SLC7A1: variants seen among roughly 807,000 people sequenced by gnomAD.
SLC7A1 encodes the protein high affinity cationic amino acid transporter 1.
Under a neutral mutation model 53.9 loss-of-function variants are expected in SLC7A1, and 10 were observed. The observed-to-expected ratio is 0.19, with a 90% CI of 0.11 to 0.31. SLC7A1 has a LOEUF of 0.31. Ranked by LOEUF, SLC7A1 falls within the 10% of genes least tolerant of loss-of-function variation. The pLI, the probability that SLC7A1 is intolerant of heterozygous loss-of-function variation, is 1.00. For synonymous variants in SLC7A1, 342 were observed against 338.7 expected (o/e 1.01, Z -0.11); for missense variants, 525 against 827.2 (o/e 0.63, Z 4.48).
intron 5 of SLC7A1, among the ~76,000 whole-genome samples, chr13:29,525,966 G>A (rs1224340822): frequency 6.6e-6 from 1 of 152,214 alleles, no homozygotes; most frequent in Non-Finnish European, 1.5e-5. Flanking sequence ...TCCCACCCTG[G>A]CAAACGGCTT....
In SLC7A1 at chr13:29,530,650, C is replaced by G; in HGVS notation, c.592G>C (p.Val198Leu). 6.2e-7 allele frequency: 1 copy of G among 1,614,042 alleles called. No homozygotes were observed. The highest frequency in any genetic ancestry group is 1.1e-5 in the South Asian group (1 of 91,076). ...ACCATTATGAAGCCCAGGACCAGGACGTTAATACAAGTGAATATTTTGTTG... is the reference window on the plus strand; with the variant it reads ...ACCATTATGAAGCCCAGGACCAGGAGGTTAATACAAGTGAATATTTTGTTG... Reference protein sequence around the residue: ...MVNKIFTCINVLVLGFIMVSG... With the variant: ...MVNKIFTCINLLVLGFIMVSG... The change falls in exon 5 of 13, where the codon GTC (valine) becomes CTC (leucine). Residue 198 changes from valine (V) to leucine (L), a missense_variant. Val to Leu is a conservative substitution (Grantham distance 32). This residue lies in a region of SLC7A1 where 354 missense variants were observed against 587.5 expected (regional missense o/e 0.60). Transcript: ENST00000380752.
chr13:29,518,782 G>A (rs1236873446), intron 9 of SLC7A1, among the ~76,000 whole-genome samples: 5 of 152,108 alleles, frequency 3.3e-5, no homozygotes, highest in Non-Finnish European at 7.4e-5. Context: ...AGTGCTGAGC[G>A]TCTCCATGAG....
chr13:29,584,302 T>A (rs1002462341), intron 1 of SLC7A1, among the ~76,000 whole-genome samples: 4 of 152,054 alleles, frequency 2.6e-5, no homozygotes, highest in Non-Finnish European at 5.9e-5. Context: ...TGCGCCACCA[T>A]GCCCAGCTAA....
Position 29,522,408 on chromosome 13 carries a change from A to C in SLC7A1, c.1098T>G (p.Ala366=). The C allele has an allele frequency of 6.2e-7, 1 of 1,614,152 alleles. No homozygotes were observed. The highest frequency in any genetic ancestry group is 2.2e-5 in the East Asian group (1 of 44,886). ...AGAATTTAAATAGCAGTCCATCCTC[A>C]GCCATGGCATAGATAACCCGAGGCA... ...FPMPRVIYAM[A]EDGLLFKFLA... The change falls in exon 8 of 13, where the codon GCT becomes GCG. Residue 366 remains alanine, a synonymous_variant. Transcript: ENST00000380752.
chr13:29,515,663 ACCC>A (rs1883532204), intron 12 of SLC7A1, among the ~76,000 whole-genome samples: 1 of 152,106 alleles, frequency 6.6e-6, no homozygotes, highest in East Asian at 1.9e-4. Context: ...GGCTGCACCC[ACCC>A]CTGGTGATCT....
At chr13:29,517,530 G>A in intron 10 of SLC7A1, 43 bp downstream of exon 10, 1 of 1,501,112 alleles carries the variant, frequency 6.7e-7, no homozygotes, top group African/African-American at 1.4e-5. Flanking sequence ...TAGAAACCAT[G>A]CAATGCCAAC....
intron 2 of SLC7A1, among the ~76,000 whole-genome samples, chr13:29,540,046 C>T (rs914081558): frequency 6.6e-6 from 1 of 152,218 alleles, no homozygotes; most frequent in South Asian, 2.1e-4. Context: ...ACACATTATA[C>T]CAGCTCTTAC....
chr13:29,581,730 C>T (rs564020914), intron 1 of SLC7A1, among the ~76,000 whole-genome samples: 2 of 152,322 alleles, frequency 1.3e-5, no homozygotes, highest in South Asian at 4.1e-4. Context: ...GTTCATCTCC[C>T]ACCTCATCTG....
At chr13:29,569,494 T>C (rs1871106243) in intron 1 of SLC7A1, among the ~76,000 whole-genome samples, 1 of 152,226 alleles carries the variant, frequency 6.6e-6, no homozygotes. Flanking sequence ...TCTGGATGTC[T>C]GCAGCTACCA....
chr13:29,568,223 C>A (rs867641932), intron 1 of SLC7A1, among the ~76,000 whole-genome samples: 5 of 152,174 alleles, frequency 3.3e-5, no homozygotes, highest in Non-Finnish European at 5.9e-5. Flanking sequence ...CCACAGTCTA[C>A]CCCGTACCTC....
intron 1 of SLC7A1, among the ~76,000 whole-genome samples, chr13:29,560,733 A>G (rs1033449130): frequency 6.6e-6 from 1 of 152,138 alleles, no homozygotes; most frequent in Non-Finnish European, 1.5e-5. Context: ...TTTCAGATCT[A>G]TTATAACCTT....
intron 2 of SLC7A1, among the ~76,000 whole-genome samples, chr13:29,550,625 A>G (rs1487583897): frequency 6.6e-6 from 1 of 152,216 alleles, no homozygotes; most frequent in Non-Finnish European, 1.5e-5. Flanking sequence ...TTCTACAACT[A>G]GAGAACGTGA....
intron 2 of SLC7A1, among the ~76,000 whole-genome samples, chr13:29,546,710 CT>C (rs1028677898): frequency 6.6e-6 from 1 of 151,984 alleles, no homozygotes; most frequent in African/African-American, 2.4e-5. Context: ...TCACGAGCAA[CT>C]TTTTTTTGTG....
At chr13:29,532,782 C>T (rs755043563) in intron 4 of SLC7A1, 42 bp downstream of exon 4, 14 of 1,542,370 alleles carry the variant, frequency 9.1e-6, no homozygotes, top group South Asian at 3.6e-5. Flanking sequence ...CAAACCTTTG[C>T]CCATCACTCT....
intron 1 of SLC7A1, among the ~76,000 whole-genome samples, chr13:29,561,485 C>T (rs1346036064): frequency 2.6e-5 from 4 of 152,060 alleles, no homozygotes; most frequent in Non-Finnish European, 5.9e-5. Flanking sequence ...GGGGATATGT[C>T]GGGGGTGTCA....
At chr13:29,561,914 G>A (rs915284942) in intron 1 of SLC7A1, among the ~76,000 whole-genome samples, 1 of 152,188 alleles carries the variant, frequency 6.6e-6, no homozygotes, top group African/African-American at 2.4e-5. Context: ...ACAGAAACGG[G>A]GGCATCCCCT....
intron 4 of SLC7A1, among the ~76,000 whole-genome samples, chr13:29,532,169 C>A: frequency 6.6e-6 from 1 of 152,186 alleles, no homozygotes; most frequent in East Asian, 1.9e-4. Flanking sequence ...GAGAATTTAT[C>A]TGCATTTCAG....
intron 1 of SLC7A1, among the ~76,000 whole-genome samples, chr13:29,581,867 T>C (rs1392396993): frequency 6.6e-6 from 1 of 152,254 alleles, no homozygotes; most frequent in African/African-American, 2.4e-5. Context: ...TCACTTTGCA[T>C]GTTAATTTAC....
chr13:29,570,586 G>A (rs1189203884), intron 1 of SLC7A1, among the ~76,000 whole-genome samples: 1 of 152,178 alleles, frequency 6.6e-6, no homozygotes, highest in East Asian at 1.9e-4. Flanking sequence ...GGTGGCTCAC[G>A]TCTATAATCC....
Sources: gnomAD v4.1 joint callset for allele counts (sites outside exome capture counted in the v4.1 genomes callset) on GRCh38, gnomAD v4.1.1 for gene constraint, gnomAD v4.1.1 regional missense constraint, MANE v1.5 for transcripts, NCBI Gene and HGNC (gene_info 2026-07-23, HGNC 2026-07-21) for gene names.